Variants in DSCAM observed in about 807,000 individuals in gnomAD.
DSCAM encodes cell adhesion molecule DSCAM.
Under a neutral mutation model 217.7 loss-of-function variants are expected in DSCAM, and 47 were observed. That is an observed-to-expected ratio of 0.22 (90% confidence interval 0.17 to 0.28). DSCAM has a LOEUF of 0.28. Ranked by LOEUF, DSCAM falls within the 10% of genes least tolerant of loss-of-function variation. The probability of loss-of-function intolerance (pLI) is 1.00; values close to 1 mark genes in which losing one functional copy is unlikely to be tolerated. For missense variants in DSCAM, 2,080 were observed against 2,618.3 expected, an observed-to-expected ratio of 0.79 and a Z score of 4.49; for synonymous variants, 1,056 against 1,015.3, an observed-to-expected ratio of 1.04 and a Z score of -0.76.
chr21:40,230,991 G>GT (rs2091376261), intron 11 of DSCAM, among the ~76,000 whole-genome samples: 1 of 149,200 alleles, frequency 6.7e-6, no homozygotes, highest in Non-Finnish European at 1.5e-5. Context: ...TTTCTCTGAA[G>GT]CCTTGACTCT....
intron 3 of DSCAM, among the ~76,000 whole-genome samples, chr21:40,480,677 C>T (rs956649651): frequency 6.6e-6 from 1 of 152,124 alleles, no homozygotes; most frequent in South Asian, 2.1e-4. Context: ...GAATGTAAGG[C>T]CTCGTGCTGG....
At position 40,663,266 on chromosome 21, in the gene DSCAM, GT is replaced by G. The variant is rs781271127; in HGVS notation, c.508+29543del. 4.4e-3 allele frequency among the ~76,000 whole-genome samples: 324 copies of G among 73,694 alleles called. 5 individuals carry two copies. The South Asian group carries it at 0.059, about 13-fold the overall frequency. 48.3% of individuals were successfully genotyped at this position (73,694 alleles called of 152,430 possible). A position where few individuals can be genotyped will look rare whatever the true frequency, so the allele number is the denominator to read the frequency against. ...TGTGAGTGTATGTCAAAGTGTGTGT[GT>G]GGGGGGGGTGTATATGTGTGTGTGT... On this transcript the variant is annotated intron_variant, in intron 3 of 32. Transcript: ENST00000400454.
At chr21:40,649,560 T>G (rs1212264323) in intron 3 of DSCAM, among the ~76,000 whole-genome samples, 1 of 152,216 alleles carries the variant, frequency 6.6e-6, no homozygotes, top group Admixed American at 6.5e-5. Context: ...CCTCTTTATG[T>G]GCTCTGACAA....
intron 3 of DSCAM, among the ~76,000 whole-genome samples, chr21:40,558,540 T>C (rs1466266153): frequency 6.6e-6 from 1 of 152,088 alleles, no homozygotes; most frequent in Non-Finnish European, 1.5e-5. Context: ...AGAGAGTGAA[T>C]TATGTTTTAA....
intron 1 of DSCAM, among the ~76,000 whole-genome samples, chr21:40,743,890 T>C (rs1025820872): frequency 2.6e-5 from 4 of 152,148 alleles, no homozygotes; most frequent in Non-Finnish European, 5.9e-5. Context: ...ATGAGCAAGA[T>C]TGCAGAATAG....
At chr21:40,093,918 T>A (rs1458506132) in intron 20 of DSCAM, 44 bp from the exon 21 acceptor site, 1 of 1,585,284 alleles carries the variant, frequency 6.3e-7, no homozygotes, top group Non-Finnish European at 8.6e-7. Flanking sequence ...AAGAAGCATG[T>A]GGCAAAAATG....
chr21:40,179,184 C>CAAAAAAAAAAAA lies in DSCAM; in HGVS notation c.2780-102_2780-91dup, dbSNP rs11286508. ...AAGTTCACAAGTAGGAATTAAAAACCAAAAAAAAAAAAAAAAAAAAAAAAA... is the reference window on the plus strand; with the variant it reads ...AAGTTCACAAGTAGGAATTAAAAACCAAAAAAAAAAAAAAAAAAAAAAAAAAAAAAAAAAAAA... On this transcript the variant is annotated intron_variant, in intron 14 of 32. Transcript: ENST00000400454. 7.8e-5 allele frequency: 8 copies of CAAAAAAAAAAAA among 102,614 alleles called. 3 individuals carry two copies. The highest frequency in any genetic ancestry group is 1.7e-4 in the Admixed American group (1 of 5,758). The allele number at this position is 102,614 out of a possible 1,614,324, so 6.4% of individuals were successfully genotyped here.
chr21:40,433,346 T>TA (rs10678618), intron 3 of DSCAM, among the ~76,000 whole-genome samples: 3,855 of 93,678 alleles, frequency 0.041, 134 homozygotes, highest in African/African-American at 0.086. Flanking sequence ...AGACTCCGTC[T>TA]AAAAAAAAAA....
At chr21:40,766,691 A>AAATTT (rs1555887014) in intron 1 of DSCAM, among the ~76,000 whole-genome samples, 1 of 65,888 alleles carries the variant, frequency 1.5e-5, no homozygotes, top group Admixed American at 1.8e-4. Context: ...AAAAAAAACA[A>AAATTT]CTTTTTTTTT....
intron 3 of DSCAM, among the ~76,000 whole-genome samples, chr21:40,612,074 CTGTT>C (rs1336456218): frequency 6.6e-6 from 1 of 152,138 alleles, no homozygotes; most frequent in African/African-American, 2.4e-5. Flanking sequence ...AACATACAGG[CTGTT>C]TGGGGTGAGT....
chr21:40,459,167 T>C (rs2075786432), intron 3 of DSCAM, among the ~76,000 whole-genome samples: 1 of 152,126 alleles, frequency 6.6e-6, no homozygotes, highest in African/African-American at 2.4e-5. Context: ...AGAATGATGT[T>C]AGAGCTATTA....
intron 11 of DSCAM, among the ~76,000 whole-genome samples, chr21:40,246,498 G>A (rs183702812): frequency 2.9e-4 from 43 of 148,692 alleles, no homozygotes; most frequent in East Asian, 1.4e-3. Flanking sequence ...CTGAGATCTC[G>A]CCACTGCACT....
In DSCAM at chr21:40,102,372, A is replaced by G. The variant is rs140992131; in HGVS notation, c.3697-8498T>C. 3.7e-3 allele frequency among the ~76,000 whole-genome samples: 559 copies of G among 152,270 alleles called. 4 individuals are homozygous for G. The highest frequency in any genetic ancestry group is 0.013 in the African/African-American group (524 of 41,560). The stretch of plus-strand genomic sequence containing the variant: ...ATAAATCTTGTGACACCCAAGCCAG[A>G]GCGTTCACATTTCAAGCGTTTTGTC... On this transcript the variant is annotated intron_variant, in intron 20 of 32. Coordinates refer to ENST00000400454, the MANE Select transcript of DSCAM (RefSeq NM_001389.5).
chr21:40,609,669 A>C (rs2089287917), intron 3 of DSCAM, among the ~76,000 whole-genome samples: 1 of 152,228 alleles, frequency 6.6e-6, no homozygotes, highest in Non-Finnish European at 1.5e-5. Context: ...CAGGAAGGGG[A>C]GAGCATTGTT....
intron 12 of DSCAM, 121 bp from the exon 13 acceptor site, chr21:40,188,108 T>TCA (rs34374148): frequency 0.063 from 38,371 of 606,622 alleles, 765 homozygotes; most frequent in African/African-American, 0.11. Context: ...ATAGGTACAC[T>TCA]CACACACACA....
chr21:40,239,886 A>G (rs2073125407), intron 11 of DSCAM, among the ~76,000 whole-genome samples: 1 of 152,338 alleles, frequency 6.6e-6, no homozygotes, highest in South Asian at 2.1e-4. Flanking sequence ...ACACCTGCCC[A>G]TTCCAGGGGG....
rs1407693718 is a variant in DSCAM, at chr21:40,083,912, G to A, written c.4227C>T (p.Ile1409=). The A allele has an allele frequency of 6.2e-7, 1 of 1,612,160 alleles. No individual in the cohort carries two copies. The highest frequency in any genetic ancestry group is 8.5e-7 in the Non-Finnish European group (1 of 1,178,788). ...GGACAATCTATATCTTATTACCTCT[G>A]ATAGAGCTGCCCCCGTTGTCTCCAG... ...WLPGDNGGSS[I]RGYILQYSED... The change falls in exon 24 of 33, where the codon ATC becomes ATT. Residue 1409 remains isoleucine (I), a synonymous_variant. Coordinates refer to ENST00000400454, the MANE Select transcript of DSCAM (RefSeq NM_001389.5).
chr21:40,652,204 T>C (rs553398667), intron 3 of DSCAM, among the ~76,000 whole-genome samples: 11 of 152,028 alleles, frequency 7.2e-5, no homozygotes, highest in East Asian at 3.9e-4. Flanking sequence ...CTGATGGATG[T>C]GGGGCTTAAT....
At chr21:40,081,960 T>C (rs1384144817) in intron 24 of DSCAM, among the ~76,000 whole-genome samples, 2 of 152,178 alleles carry the variant, frequency 1.3e-5, no homozygotes, top group African/African-American at 4.8e-5. Context: ...CCTCATTTCA[T>C]TTGAGCCTAA....
Sources: allele counts gnomAD v4.1 joint callset (sites outside exome capture counted in the v4.1 genomes callset), GRCh38; gene constraint gnomAD v4.1.1; transcripts MANE v1.5; gene names NCBI Gene and HGNC (gene_info 2026-07-23, HGNC 2026-07-21).